Variants in SIRT4 observed in about 807,000 individuals in gnomAD.
The protein encoded by SIRT4 is NAD-dependent protein lipoamidase sirtuin-4, mitochondrial.
In SIRT4, 23 loss-of-function variants were observed where a neutral mutation model predicts 26.1. The observed-to-expected ratio is 0.88, with a 90% CI of 0.63 to 1.25. SIRT4 has a LOEUF of 1.25. Among genes scored for constraint, SIRT4 ranks in the 50% most tolerant of loss-of-function variants. The pLI is 0.00. For synonymous variants in SIRT4, 155 were observed against 158.4 expected, an observed-to-expected ratio of 0.98 and a Z score of 0.16; for missense variants, 361 against 405.4, an observed-to-expected ratio of 0.89 and a Z score of 0.94.
chr12:120,308,873 T>G (rs1414092760), intron 2 of SIRT4, among the ~76,000 whole-genome samples: 1 of 152,086 alleles, frequency 6.6e-6, no homozygotes, highest in East Asian at 1.9e-4. Flanking sequence ...ATGGATTCAT[T>G]AAAACAATTT....
chr12:120,311,469 C>G (rs1198064091), intron 2 of SIRT4, among the ~76,000 whole-genome samples: 1 of 149,354 alleles, frequency 6.7e-6, no homozygotes, highest in Non-Finnish European at 1.5e-5. Flanking sequence ...CAGTGGCTCA[C>G]ACCTGTAATC....
At chr12:120,299,452 C>T (rs1040974891), upstream of SIRT4, among the ~76,000 whole-genome samples, 84 of 149,304 alleles carry the variant, frequency 5.6e-4, 1 homozygote, top group African/African-American at 2.0e-3. Context: ...CTCCGGAGGC[C>T]GAGGCAGCAG....
chr12:120,312,816 T>C (rs1592903712), intron 3 of SIRT4, 66 bp downstream of exon 3: 1 of 1,608,130 alleles, frequency 6.2e-7, no homozygotes, highest in East Asian at 2.2e-5. Flanking sequence ...AGAGACACCC[T>C]GTTTGGTTTA....
At chr12:120,299,701 C>T (rs936356896), upstream of SIRT4, among the ~76,000 whole-genome samples, 1 of 152,114 alleles carries the variant, frequency 6.6e-6, no homozygotes, top group Non-Finnish European at 1.5e-5. Context: ...ACGGCGCCTG[C>T]AAAATCACAT....
chr12:120,303,060 T>C (rs1218820097), intron 1 of SIRT4, among the ~76,000 whole-genome samples: 2 of 151,798 alleles, frequency 1.3e-5, no homozygotes, highest in African/African-American at 4.8e-5. Flanking sequence ...CGGGCAGGGG[T>C]CTTGTCTCTC....
chr12:120,313,007 G>C lies in SIRT4; in HGVS notation c.916G>C (p.Glu306Gln), dbSNP rs1158473462. 4 of 1,614,050 alleles carry C rather than the reference G, an allele frequency of 2.5e-6. No individual in the cohort carries two copies. The highest frequency in any genetic ancestry group is 1.1e-5 in the South Asian group (1 of 91,088). ...ACLKLNSRCGELLPLIDPC is the reference protein window; with the variant it reads ...ACLKLNSRCGQLLPLIDPC ...TCTGAAACTGAATTCTCGTTGTGGA[G>C]AGTTGCTGCCTTTGATAGACCCATG... Residue 306 changes from glutamate to glutamine, a missense_variant, in exon 4 of 4, where the codon GAG becomes CAG. Physicochemically the swap from Glu to Gln is conservative, Grantham distance 29 (BLOSUM62 2). Transcript: ENST00000202967.
the SIRT4 span, among the ~76,000 whole-genome samples, chr12:120,296,192 C>A: frequency 1.3e-5 from 2 of 148,878 alleles, no homozygotes; most frequent in Non-Finnish European, 3.0e-5. Flanking sequence ...AGTGAACATT[C>A]ATGTACTCAT....
chr12:120,308,994 C>T (rs961829305), intron 2 of SIRT4, among the ~76,000 whole-genome samples: 3 of 151,892 alleles, frequency 2.0e-5, no homozygotes, highest in African/African-American at 7.3e-5. Flanking sequence ...CATGGAGAAA[C>T]CCTGTCACTA....
At chr12:120,309,119 C>T (rs1322195445) in intron 2 of SIRT4, among the ~76,000 whole-genome samples, 1 of 152,000 alleles carries the variant, frequency 6.6e-6, no homozygotes, top group Non-Finnish European at 1.5e-5. Context: ...GCGGAGGTTG[C>T]GGTGAGCCAA....
chr12:120,299,612 G>T (rs1479487318), upstream of SIRT4, among the ~76,000 whole-genome samples: 2 of 151,744 alleles, frequency 1.3e-5, no homozygotes, highest in African/African-American at 4.8e-5. Context: ...ATTACAGACC[G>T]AGGGCTATAG....
chr12:120,312,993 A>G lies in SIRT4; in HGVS notation c.902A>G (p.Asn301Ser). ...GATGACTTGGCGTGTCTGAAACTGA[A>G]TTCTCGTTGTGGAGAGTTGCTGCCT... ...RSDDLACLKL[N>S]SRCGELLPLI... The change falls in exon 4 of 4, where the codon AAT (asparagine) becomes AGT (serine). Residue 301 changes from asparagine to serine, a missense_variant. Asn to Ser is a conservative substitution (Grantham distance 46). Coordinates refer to ENST00000202967, the MANE Select transcript of SIRT4 (RefSeq NM_012240.3). The G allele has an allele frequency of 6.2e-7, 1 of 1,614,092 alleles. No individual in the cohort carries two copies.
At chr12:120,311,096 T>C (rs1185888631) in intron 2 of SIRT4, among the ~76,000 whole-genome samples, 4 of 141,686 alleles carry the variant, frequency 2.8e-5, no homozygotes, top group African/African-American at 7.8e-5. Context: ...CAGTGGCTCA[T>C]GCCTGTAATC....
In SIRT4 at chr12:120,303,549, CT is replaced by C; in HGVS notation, c.-1-7del. On this transcript the variant is annotated splice_polypyrimidine_tract_variant and intron_variant, in intron 1 of 3. Transcript: ENST00000202967. ...CACCCCAGTTTCTCACATGAGGCTT[CT>C]TTTTCTCTAGAATGAAGATGAGCTT... The C allele has an allele frequency of 6.4e-7, 1 of 1,566,034 alleles. No individual in the cohort carries two copies. Among genetic ancestry groups the C allele is most frequent in the Non-Finnish European group, 8.6e-7 (1 of 1,161,862 alleles).
At chr12:120,310,805 G>A (rs1872930182) in intron 2 of SIRT4, among the ~76,000 whole-genome samples, 1 of 150,616 alleles carries the variant, frequency 6.6e-6, no homozygotes, top group Non-Finnish European at 1.5e-5. Context: ...GTGCTATCTC[G>A]GCTCACTGCA....
chr12:120,305,536 C>T (rs905473732), intron 2 of SIRT4, among the ~76,000 whole-genome samples: 4 of 152,148 alleles, frequency 2.6e-5, no homozygotes, highest in African/African-American at 9.7e-5. Flanking sequence ...GCTGGGATGA[C>T]TAGTGTGAGC....
At chr12:120,299,476 G>A (rs533273384), upstream of SIRT4, among the ~76,000 whole-genome samples, 22 of 150,906 alleles carry the variant, frequency 1.5e-4, no homozygotes, top group East Asian at 3.7e-3. Context: ...CACTTCAGCC[G>A]GGAAGGCAGA....
At chr12:120,305,449 C>T (rs972989565) in intron 2 of SIRT4, among the ~76,000 whole-genome samples, 13 of 152,020 alleles carry the variant, frequency 8.6e-5, no homozygotes, top group Admixed American at 2.0e-4. Flanking sequence ...TTTGTAGAGA[C>T]GAAGTCTTAC....
chr12:120,313,185 T>C lies in SIRT4; in HGVS notation c.*149T>C, dbSNP rs192452909. ...GTATAGAAGGTTCTAGGTATCTTAATGTGTGGATATTCTTAATTAAAACTC... is the reference window on the plus strand; with the variant it reads ...GTATAGAAGGTTCTAGGTATCTTAACGTGTGGATATTCTTAATTAAAACTC... On this transcript the variant is annotated 3_prime_UTR_variant, in exon 4 of 4. Coordinates refer to ENST00000202967, the MANE Select transcript of SIRT4 (RefSeq NM_012240.3). 5 of 800,318 alleles carry C rather than the reference T, an allele frequency of 6.2e-6. No homozygotes were observed. The Admixed American group carries it at 1.3e-4, about 22-fold the overall frequency. 49.6% of individuals were successfully genotyped at this position (800,318 alleles called of 1,614,324 possible). A position where few individuals can be genotyped will look rare whatever the true frequency, so the allele number is the denominator to read the frequency against.
the SIRT4 span, among the ~76,000 whole-genome samples, chr12:120,294,553 G>A: frequency 6.6e-6 from 1 of 151,498 alleles, no homozygotes; most frequent in Non-Finnish European, 1.5e-5. Flanking sequence ...CACCGCGCCC[G>A]GTCCCATTCA....
Sources: allele counts gnomAD v4.1 joint callset (sites outside exome capture counted in the v4.1 genomes callset), GRCh38; gene constraint gnomAD v4.1.1; transcripts MANE v1.5; gene names NCBI Gene and HGNC (gene_info 2026-07-23, HGNC 2026-07-21).